Variants in ARHGEF12 observed in about 807,000 individuals in gnomAD.
The protein encoded by ARHGEF12 is Rho guanine nucleotide exchange factor 12.
A neutral mutation model predicts 211.2 loss-of-function variants in ARHGEF12; 66 were observed. The ratio of observed to expected loss-of-function variants is 0.31; its 90% confidence interval spans 0.26 to 0.38. ARHGEF12 has a LOEUF of 0.38. ARHGEF12 is among the 10% of genes least tolerant of loss of function. ARHGEF12 has a pLI of 1.00. For missense variants in ARHGEF12, 1,429 were observed against 1,869.5 expected (o/e 0.76, Z 4.34); for synonymous variants, 592 against 638.4 (o/e 0.93, Z 1.09).
intron 4 of ARHGEF12, among the ~76,000 whole-genome samples, chr11:120,414,416 A>G (rs575009611): frequency 8.4e-6 from 1 of 118,422 alleles, no homozygotes; most frequent in Non-Finnish European, 1.7e-5. Context: ...TAATTAGAAA[A>G]TGTTTGAGTA....
At chr11:120,429,998 G>A (rs1347496199) in intron 10 of ARHGEF12, among the ~76,000 whole-genome samples, 167 bp downstream of exon 10, 1 of 152,160 alleles carries the variant, frequency 6.6e-6, no homozygotes, top group African/African-American at 2.4e-5. Context: ...AAAAATAAAT[G>A]TGGGCGTCTG....
chr11:120,421,429 GT>G (rs1175598503), intron 5 of ARHGEF12, among the ~76,000 whole-genome samples: 2 of 79,858 alleles, frequency 2.5e-5, no homozygotes, highest in African/African-American at 4.8e-5. Flanking sequence ...TTACAGCCTT[GT>G]TTTTTTTTTT....
intron 25 of ARHGEF12, chr11:120,458,872 C>A (rs1946440535): frequency 5.6e-6 from 1 of 178,458 alleles, no homozygotes; most frequent in Non-Finnish European, 1.2e-5. Flanking sequence ...TTGGGGCTTA[C>A]AGTTTTCTTA....
chr11:120,420,167 A>C (rs766171621), intron 4 of ARHGEF12, among the ~76,000 whole-genome samples: 13 of 152,250 alleles, frequency 8.5e-5, no homozygotes, highest in Non-Finnish European at 1.6e-4. Flanking sequence ...TGTTTTCTAT[A>C]AGCCAGGGTT....
intron 7 of ARHGEF12, among the ~76,000 whole-genome samples, chr11:120,425,249 G>C (rs1418356416): frequency 6.6e-6 from 1 of 152,060 alleles, no homozygotes; most frequent in Non-Finnish European, 1.5e-5. Flanking sequence ...TCTGAGTCAG[G>C]TGGAATCTTC....
rs753255637 is a variant in ARHGEF12, at chr11:120,478,315, A to G, written c.3692A>G (p.Asp1231Gly). ...GGGACACTAAAGGAAGTTGGAGAAG[A>G]TTATCAAATCGCAATCCCAGATTCA... ...TDGTLKEVGE[D>G]YQIAIPDSHL... The change falls in exon 37 of 41, where the codon GAT becomes GGT. Residue 1231 changes from aspartate (D) to glycine (G), a missense_variant. Asp to Gly is a moderately conservative substitution (Grantham distance 94, BLOSUM62 -1). Coordinates refer to ENST00000397843, the MANE Select transcript of ARHGEF12 (RefSeq NM_015313.3). 9 of 1,614,222 alleles carry G rather than the reference A, an allele frequency of 5.6e-6. No individual in the cohort carries two copies. In the Admixed American group the frequency reaches 1.0e-4, roughly 18 times the overall value.
rs1416540890 is a variant in ARHGEF12, at chr11:120,487,684, C to A, written c.*2607C>A. 2 of 218,364 alleles carry A rather than the reference C, an allele frequency of 9.2e-6. No homozygotes were observed. Among genetic ancestry groups the A allele is most frequent in the Admixed American group, 1.2e-4 (2 of 17,258 alleles). The allele number at this position is 218,364 out of a possible 1,614,324, so 13.5% of individuals were successfully genotyped here. A position where few individuals can be genotyped will look rare whatever the true frequency, so the allele number is the denominator to read the frequency against. Reference sequence around the variant, plus strand: ...GTGGTGTACAAAGAAAGCTACCTTCCCAGAGCAAGCAGGCTGCATTTTAGC... The same window carrying A: ...GTGGTGTACAAAGAAAGCTACCTTCACAGAGCAAGCAGGCTGCATTTTAGC... On this transcript the variant is annotated 3_prime_UTR_variant, in exon 41 of 41. Coordinates refer to ENST00000397843, the MANE Select transcript of ARHGEF12 (RefSeq NM_015313.3).
At chr11:120,340,217 G>A (rs2135226975) in intron 1 of ARHGEF12, among the ~76,000 whole-genome samples, 1 of 152,248 alleles carries the variant, frequency 6.6e-6, no homozygotes, top group Admixed American at 6.5e-5. Context: ...TGAGAATTTA[G>A]GGGTCCTATA....
intron 11 of ARHGEF12, among the ~76,000 whole-genome samples, chr11:120,436,232 C>A (rs1945689599): frequency 6.6e-6 from 1 of 152,032 alleles, no homozygotes; most frequent in South Asian, 2.1e-4. Flanking sequence ...TGATAGCTTT[C>A]TTGCTTTTTG....
intron 1 of ARHGEF12, among the ~76,000 whole-genome samples, chr11:120,380,811 C>T (rs1487481504): frequency 2.6e-5 from 4 of 152,132 alleles, no homozygotes; most frequent in Non-Finnish European, 5.9e-5. Flanking sequence ...CCACATTTAT[C>T]TGTTTATTCA....
chr11:120,463,355 A>ATGTTT (rs1181886323), intron 27 of ARHGEF12: 1 of 152,030 alleles, frequency 6.6e-6, no homozygotes, highest in Non-Finnish European at 1.5e-5. Context: ...GAGAAACCCC[A>ATGTTT]TCTCTACTAA....
chr11:120,338,597 C>T lies in ARHGEF12; in HGVS notation c.32+1322C>T, dbSNP rs569111249. On this transcript the variant is annotated intron_variant, in intron 1 of 40. Coordinates refer to ENST00000397843, the MANE Select transcript of ARHGEF12 (RefSeq NM_015313.3). The stretch of plus-strand genomic sequence containing the variant: ...ACACTTAAGATAAGTATTGACAATG[C>T]TTATCTTACTTTCTTCTGGTTATCC... 6.6e-5 allele frequency among the ~76,000 whole-genome samples: 10 copies of T among 152,218 alleles called. No individual in the cohort carries two copies. The East Asian group carries it at 1.9e-3, about 29-fold the overall frequency.
intron 15 of ARHGEF12, 57 bp downstream of exon 15, chr11:120,442,259 C>T (rs191757165): frequency 3.2e-4 from 423 of 1,312,864 alleles, no homozygotes; most frequent in Admixed American, 1.3e-3. Context: ...TTATTGTCCT[C>T]CTGCTTCCTA....
intron 1 of ARHGEF12, among the ~76,000 whole-genome samples, chr11:120,373,164 T>A (rs1261901396): frequency 6.6e-6 from 1 of 152,150 alleles, no homozygotes; most frequent in Non-Finnish European, 1.5e-5. Flanking sequence ...AAAATACAGT[T>A]TAGATTAATC....
At chr11:120,344,284 A>C (rs1020373478) in intron 1 of ARHGEF12, among the ~76,000 whole-genome samples, 48 of 151,360 alleles carry the variant, frequency 3.2e-4, no homozygotes, top group African/African-American at 4.4e-4. Context: ...AAAAAAAAAA[A>C]AAAAAAAAAA....
intron 15 of ARHGEF12, among the ~76,000 whole-genome samples, chr11:120,444,655 T>C (rs1945990763): frequency 6.6e-6 from 1 of 152,200 alleles, no homozygotes; most frequent in Admixed American, 6.5e-5. Flanking sequence ...CTTAAATAGG[T>C]ATACAATACA....
At chr11:120,398,282 G>T (rs1251674558) in intron 1 of ARHGEF12, among the ~76,000 whole-genome samples, 1 of 152,202 alleles carries the variant, frequency 6.6e-6, no homozygotes, top group Non-Finnish European at 1.5e-5. Context: ...AGTGAACTTT[G>T]TAGAGCAGTG....
chr11:120,450,693 T>A (rs1946184248), intron 21 of ARHGEF12: 1 of 152,288 alleles, frequency 6.6e-6, no homozygotes, highest in South Asian at 2.1e-4. Flanking sequence ...GGTGACTTTG[T>A]GAACAAGGAT....
At chr11:120,447,200 A>C in intron 18 of ARHGEF12, 115 bp downstream of exon 18, 1 of 1,179,290 alleles carries the variant, frequency 8.5e-7, no homozygotes, top group Non-Finnish European at 1.1e-6. Flanking sequence ...GGAGCCGTTT[A>C]TTTTGTCATA....
Sources: allele counts gnomAD v4.1 joint callset (sites outside exome capture counted in the v4.1 genomes callset), GRCh38; gene constraint gnomAD v4.1.1; transcripts MANE v1.5; gene names NCBI Gene and HGNC (gene_info 2026-07-23, HGNC 2026-07-21).